LRRC4C: variants seen among roughly 807,000 people sequenced by gnomAD.
The protein encoded by LRRC4C is leucine-rich repeat-containing protein 4C.
LRRC4C carries 5 observed loss-of-function variants against 33.6 expected under a neutral mutation model. The ratio of observed to expected loss-of-function variants is 0.15; its 90% CI spans 0.08 to 0.31. The LOEUF is 0.31. Ranked by LOEUF, LRRC4C falls within the 10% of genes least tolerant of loss-of-function variation. The pLI, the probability that LRRC4C is intolerant of heterozygous loss-of-function variation, is 1.00. For synonymous variants in LRRC4C, 329 were observed against 302.0 expected (o/e 1.09, Z -0.93); for missense variants, 560 against 796.7 (o/e 0.70, Z 3.58).
At chr11:40,430,953 G>T (rs1476982766) in intron 3 of LRRC4C, among the ~76,000 whole-genome samples, 2 of 104,080 alleles carry the variant, frequency 1.9e-5, no homozygotes, top group South Asian at 4.7e-4. Context: ...GTGGTGGGGT[G>T]GGGGGAGGGG....
At chr11:40,938,127 C>T (rs915477978) in intron 1 of LRRC4C, among the ~76,000 whole-genome samples, 2 of 152,172 alleles carry the variant, frequency 1.3e-5, no homozygotes, top group African/African-American at 4.8e-5. Context: ...TAAGAATGTT[C>T]TTTCAGTAGT....
chr11:40,959,446 A>G (rs1327299822), intron 1 of LRRC4C, among the ~76,000 whole-genome samples: 2 of 151,668 alleles, frequency 1.3e-5, no homozygotes, highest in Non-Finnish European at 3.0e-5. Context: ...TTTTATTATA[A>G]TATGCAGCAT....
intron 3 of LRRC4C, among the ~76,000 whole-genome samples, chr11:40,426,288 C>T (rs993630356): frequency 1.3e-5 from 2 of 152,206 alleles, no homozygotes; most frequent in South Asian, 4.2e-4. Context: ...GCTGGGATTA[C>T]AGGTGTGAGC....
intron 1 of LRRC4C, among the ~76,000 whole-genome samples, chr11:41,383,212 G>A (rs757182863): frequency 5.9e-5 from 9 of 152,092 alleles, no homozygotes; most frequent in Non-Finnish European, 8.8e-5. Flanking sequence ...TCTGGGTTGT[G>A]AATCAGAGTT....
intron 3 of LRRC4C, among the ~76,000 whole-genome samples, chr11:40,508,345 T>C (rs1466695626): frequency 6.6e-6 from 1 of 152,036 alleles, no homozygotes; most frequent in Non-Finnish European, 1.5e-5. Context: ...AAAAATCATA[T>C]AAAACACAAA....
intron 1 of LRRC4C, among the ~76,000 whole-genome samples, chr11:40,967,836 A>G (rs949573722): frequency 2.0e-5 from 3 of 151,520 alleles, no homozygotes; most frequent in Non-Finnish European, 2.9e-5. Flanking sequence ...TTAATAATAT[A>G]TGATAATTTA....
chr11:41,238,064 C>T (rs905689009), intron 1 of LRRC4C, among the ~76,000 whole-genome samples: 8 of 152,174 alleles, frequency 5.3e-5, no homozygotes, highest in African/African-American at 1.7e-4. Flanking sequence ...CAAATTCCCA[C>T]TTCCTATGAA....
intron 1 of LRRC4C, among the ~76,000 whole-genome samples, chr11:41,033,558 C>T (rs1175674201): frequency 6.6e-6 from 1 of 152,054 alleles, no homozygotes; most frequent in Non-Finnish European, 1.5e-5. Context: ...ACCCCACATC[C>T]TGGGAATCCT....
At position 41,219,257 on chromosome 11, in the gene LRRC4C, G is replaced by A. The variant is rs1041262927; in HGVS notation, c.-496+240174C>T. ...CAACAAAATTACAAAAATTCCTCTGGGGATGAGAAAAGAGAGTTGCTATGT... is the reference window on the plus strand; with the variant it reads ...CAACAAAATTACAAAAATTCCTCTGAGGATGAGAAAAGAGAGTTGCTATGT... On this transcript the variant is annotated intron_variant, in intron 1 of 6. Coordinates refer to ENST00000528697, the MANE Select transcript of LRRC4C (RefSeq NM_001258419.2). Among the ~76,000 whole-genome samples the A allele has an allele frequency of 5.3e-5, 8 of 152,222 alleles. No individual in the cohort carries two copies. In the South Asian group the frequency reaches 6.2e-4, roughly 12 times the overall value.
intron 1 of LRRC4C, among the ~76,000 whole-genome samples, chr11:41,187,939 G>C (rs1945768935): frequency 6.6e-6 from 1 of 152,186 alleles, no homozygotes; most frequent in South Asian, 2.1e-4. Flanking sequence ...TCTTGGTTTT[G>C]CTATAAATGA....
chr11:40,153,966 C>T (rs367616779), intron 5 of LRRC4C, among the ~76,000 whole-genome samples: 1 of 152,094 alleles, frequency 6.6e-6, no homozygotes, highest in East Asian at 1.9e-4. Flanking sequence ...AGATGTTTGC[C>T]TAGGCACACT....
chr11:41,022,152 A>ATG (rs1856029227), intron 1 of LRRC4C, among the ~76,000 whole-genome samples: 3 of 147,292 alleles, frequency 2.0e-5, no homozygotes. Flanking sequence ...TTATATATAT[A>ATG]TATATATATA....
chr11:41,150,517 C>T (rs1017933812), intron 1 of LRRC4C, among the ~76,000 whole-genome samples: 23 of 152,000 alleles, frequency 1.5e-4, no homozygotes, highest in Non-Finnish European at 1.9e-4. Flanking sequence ...TTTTGCCAGG[C>T]GCGGTGGCTC....
intron 1 of LRRC4C, among the ~76,000 whole-genome samples, chr11:41,352,963 C>T (rs536360596): frequency 7.9e-4 from 120 of 151,992 alleles, no homozygotes; most frequent in African/African-American, 2.6e-3. Flanking sequence ...CCTCAAAGAA[C>T]GAGAAAAACA....
chr11:40,369,687 A>G (rs934493749), intron 3 of LRRC4C, among the ~76,000 whole-genome samples: 1 of 152,206 alleles, frequency 6.6e-6, no homozygotes, highest in African/African-American at 2.4e-5. Context: ...TGGCAAACAT[A>G]ATTGTATATA....
At chr11:40,936,511 T>C (rs140730953) in intron 1 of LRRC4C, among the ~76,000 whole-genome samples, 1,973 of 151,766 alleles carry the variant, frequency 0.013, 52 homozygotes, top group African/African-American at 0.043. Context: ...TAATTTTTTG[T>C]GTTTTTAGTA....
At chr11:40,645,674 T>C (rs538484777) in intron 3 of LRRC4C, among the ~76,000 whole-genome samples, 1 of 152,320 alleles carries the variant, frequency 6.6e-6, no homozygotes, top group Admixed American at 6.5e-5. Flanking sequence ...CTCAGAAATG[T>C]GATTCCAGCT....
intron 3 of LRRC4C, among the ~76,000 whole-genome samples, chr11:40,337,048 C>A (rs151319040): frequency 1.6e-4 from 23 of 146,532 alleles, no homozygotes; most frequent in African/African-American, 5.6e-4. Flanking sequence ...TGGTCAGGGA[C>A]GTCCTCACCA....
chr11:41,134,903 C>A (rs1943187431), intron 1 of LRRC4C, among the ~76,000 whole-genome samples: 1 of 152,124 alleles, frequency 6.6e-6, no homozygotes, highest in African/African-American at 2.4e-5. Context: ...AATGAATGAA[C>A]ACCATGAACA....
Sources: allele counts gnomAD v4.1 joint callset (sites outside exome capture counted in the v4.1 genomes callset), GRCh38; gene constraint gnomAD v4.1.1; transcripts MANE v1.5; gene names NCBI Gene and HGNC (gene_info 2026-07-23, HGNC 2026-07-21).